MAP3K14: variants seen among roughly 807,000 people sequenced by gnomAD.
MAP3K14 encodes mitogen-activated protein kinase kinase kinase 14, also known as NF-kappa-beta-inducing kinase.
Under a neutral mutation model 99.2 loss-of-function variants are expected in MAP3K14, and 16 were observed. The ratio of observed to expected loss-of-function variants is 0.16; its 90% CI spans 0.11 to 0.24. The LOEUF is 0.24. MAP3K14 is among the 10% of genes least tolerant of loss of function. The pLI is 1.00. For missense variants in MAP3K14, 784 were observed against 1,208.7 expected, an observed-to-expected ratio of 0.65 and a Z score of 5.21; for synonymous variants, 462 against 492.4, an observed-to-expected ratio of 0.94 and a Z score of 0.82.
intron 1 of MAP3K14, among the ~76,000 whole-genome samples, chr17:45,313,119 C>T (rs999459262): frequency 3.3e-5 from 5 of 152,076 alleles, no homozygotes; most frequent in Non-Finnish European, 5.9e-5. Context: ...AGGGAGAACC[C>T]GAGAGCTGAA....
chr17:45,310,673 T>G (rs1224564603), intron 1 of MAP3K14, among the ~76,000 whole-genome samples: 2 of 152,090 alleles, frequency 1.3e-5, no homozygotes, highest in Non-Finnish European at 2.9e-5. Context: ...GCAGAAGAGC[T>G]TCGTGCACTG....
intron 14 of MAP3K14, chr17:45,266,286 C>T: frequency 2.4e-6 from 1 of 419,898 alleles, no homozygotes. Flanking sequence ...CTAGGGGAAC[C>T]TTCTGGGACT....
Position 45,275,823 on chromosome 17 carries a change from G to A in MAP3K14, c.1291-1230C>T, listed in dbSNP as rs374806208. On this transcript the variant is annotated intron_variant, in intron 6 of 15. Transcript: ENST00000344686. ...GTCGCCCAGGCTGGAGTACAGTGACGTGATCTCTATTCATTGCAACCTCTG... is the reference window on the plus strand; with the variant it reads ...GTCGCCCAGGCTGGAGTACAGTGACATGATCTCTATTCATTGCAACCTCTG... 2.7e-4 allele frequency among the ~76,000 whole-genome samples: 39 copies of A among 146,174 alleles called. No homozygotes were observed. In the East Asian group the frequency reaches 5.0e-3, roughly 19 times the overall value.
In MAP3K14 at chr17:45,290,608, C is replaced by T. The variant is rs759706778; in HGVS notation, c.138G>A (p.Glu46=). ...ACTTTCCGCAGAACACAGGGCTCTTCTCCACGGCCTCAAGCTTGTAGACGG... is the reference window on the plus strand; with the variant it reads ...ACTTTCCGCAGAACACAGGGCTCTTTTCCACGGCCTCAAGCTTGTAGACGG... ...QSSVYKLEAV[E]KSPVFCGKWE... The change falls in exon 2 of 16, where the codon GAG becomes GAA. Residue 46 remains glutamate, a synonymous_variant. Coordinates refer to ENST00000344686, the MANE Select transcript of MAP3K14 (RefSeq NM_003954.5). 1.9e-5 allele frequency: 31 copies of T among 1,613,688 alleles called. No homozygotes were observed. The highest frequency in any genetic ancestry group is 2.6e-5 in the Non-Finnish European group (31 of 1,179,884).
intron 1 of MAP3K14, among the ~76,000 whole-genome samples, chr17:45,291,296 CTGTG>C (rs10578692): frequency 1.2e-3 from 186 of 149,568 alleles, no homozygotes; most frequent in Non-Finnish European, 1.9e-3. Context: ...AGGTAGATAT[CTGTG>C]TGTGTGTGTG....
intron 14 of MAP3K14, among the ~76,000 whole-genome samples, chr17:45,265,876 G>A (rs560430887): frequency 1.3e-5 from 2 of 152,262 alleles, no homozygotes; most frequent in Non-Finnish European, 2.9e-5. Context: ...GGCTCCTATG[G>A]GGAAGTAGTA....
chr17:45,310,056 C>T (rs991055012), intron 1 of MAP3K14, among the ~76,000 whole-genome samples: 1 of 119,144 alleles, frequency 8.4e-6, no homozygotes, highest in African/African-American at 3.4e-5. Context: ...TTTTTTGAGA[C>T]GGAGTTTCGC....
chr17:45,266,826 G>C, intron 13 of MAP3K14, 145 bp from the exon 14 acceptor site: 1 of 867,004 alleles, frequency 1.2e-6, no homozygotes, highest in Non-Finnish European at 1.7e-6. Context: ...ACGAAGGCCT[G>C]CCTCCCCATT....
At chr17:45,270,702 C>T in intron 10 of MAP3K14, 139 bp from the exon 11 acceptor site, 1 of 1,244,082 alleles carries the variant, frequency 8.0e-7, no homozygotes. Flanking sequence ...GGGGTCTGGG[C>T]TACAGTGAGG....
At chr17:45,274,637 C>T in intron 6 of MAP3K14, 44 bp from the exon 7 acceptor site, 1 of 1,601,206 alleles carries the variant, frequency 6.2e-7, no homozygotes, top group Non-Finnish European at 8.5e-7. Context: ...GTGAGGGGAC[C>T]AGAGCTGGGT....
rs2044102146 is a variant in MAP3K14, at chr17:45,267,586, G to A, written c.2146C>T (p.Pro716Ser). ...GGCTCTGGGGGCTCTGGTGGGAGAG[G>A]AGGCTGGAGCTTAGGGGCTCTGCCT... ...TTGRAPKLQP[P>S]LPPEPPEPNK... The change falls in exon 12 of 16, where the codon CCT (proline) becomes TCT (serine). Residue 716 changes from proline (P) to serine (S), a missense_variant. Physicochemically the swap from Pro to Ser is moderately conservative, Grantham distance 74. Transcript: ENST00000344686. This position sits in a 1 kb window ranked among gnomAD's most constrained non-coding sequence, Gnocchi z 5.1. The A allele has an allele frequency of 2.5e-6, 4 of 1,613,212 alleles. No homozygotes were observed. Among genetic ancestry groups the A allele is most frequent in the Non-Finnish European group, 3.4e-6 (4 of 1,179,616 alleles).
At position 45,270,684 on chromosome 17, in the gene MAP3K14, G is replaced by A; in HGVS notation, c.1822-121C>T. The A allele has an allele frequency of 2.3e-6, 3 of 1,320,722 alleles. No individual in the cohort carries two copies. The South Asian group carries it at 4.6e-5, about 20-fold the overall frequency. The allele number at this position is 1,320,722 out of a possible 1,614,324, so 81.8% of individuals were successfully genotyped here. ...CCCGCTGTGCTGGGGTCTACCACAA[G>A]GAATGGAGGGGTCTGGGCTACAGTG... On this transcript the variant is annotated intron_variant, in intron 10 of 15. Coordinates refer to ENST00000344686, the MANE Select transcript of MAP3K14 (RefSeq NM_003954.5).
chr17:45,271,021 G>A (rs1314263326), intron 10 of MAP3K14, 37 bp downstream of exon 10: 1 of 1,600,098 alleles, frequency 6.2e-7, no homozygotes, highest in Non-Finnish European at 8.5e-7. Context: ...GGGCCCTGCA[G>A]CTCCCCCTGT....
In MAP3K14 at chr17:45,264,658, C is replaced by G; in HGVS notation, c.2822G>C (p.Gly941Ala). The G allele has an allele frequency of 6.3e-7, 1 of 1,588,648 alleles. No homozygotes were observed. Among genetic ancestry groups the G allele is most frequent in the Non-Finnish European group, 8.6e-7 (1 of 1,168,112 alleles). ...SFAWSWRVKH[G>A]QLENRP is the part of the protein sequence containing the mutation. The stretch of plus-strand genomic sequence containing the variant: ...GGGTTAGGGCCTGTTCTCCAGCTGG[C>G]CATGCTTGACCCTCCAGCTCCAGGC... The change falls in exon 16 of 16, where the codon GGC becomes GCC. Residue 941 changes from glycine to alanine, a missense_variant. Gly to Ala is a moderately conservative substitution (Grantham distance 60, BLOSUM62 0). Transcript: ENST00000344686.
chr17:45,269,468 A>G (rs1368039811), intron 11 of MAP3K14, among the ~76,000 whole-genome samples: 1 of 152,212 alleles, frequency 6.6e-6, no homozygotes. Flanking sequence ...CTTTCTGTGT[A>G]CTAATGGATT....
chr17:45,271,047 C>T lies in MAP3K14; in HGVS notation c.1821+11G>A. Reference sequence around the variant, plus strand: ...CTCCCCCTGTTGGCCATGCTGGGTGCCGTCACCGACCTTGAGGCAGAGCGG... The same window carrying T: ...CTCCCCCTGTTGGCCATGCTGGGTGTCGTCACCGACCTTGAGGCAGAGCGG... On this transcript the variant is annotated intron_variant, in intron 10 of 15. Coordinates refer to ENST00000344686, the MANE Select transcript of MAP3K14 (RefSeq NM_003954.5). 6.2e-7 allele frequency: 1 copy of T among 1,610,316 alleles called. No individual in the cohort carries two copies. The highest frequency in any genetic ancestry group is 8.5e-7 in the Non-Finnish European group (1 of 1,179,112).
intron 6 of MAP3K14, among the ~76,000 whole-genome samples, chr17:45,276,502 T>C (rs530692044): frequency 6.6e-6 from 1 of 150,642 alleles, no homozygotes; most frequent in South Asian, 2.1e-4. Flanking sequence ...AGCTGATACT[T>C]AGACTGACTT....
In MAP3K14 at chr17:45,283,995, G is replaced by A. The variant is rs370183051; in HGVS notation, c.1290+817C>T. ...CTGTAAGGTCTGTCGGTCTGCAGCC[G>A]CCACCGATGCTCCCTCTGGGCCCGG... is the stretch of plus-strand genomic sequence containing the variant. On this transcript the variant is annotated intron_variant, in intron 6 of 15. Transcript: ENST00000344686. Among the ~76,000 whole-genome samples, 8 of 152,256 alleles carry A rather than the reference G, an allele frequency of 5.3e-5. No individual in the cohort carries two copies. In the South Asian group the frequency reaches 8.3e-4, roughly 16 times the overall value.
intron 1 of MAP3K14, 112 bp from the exon 2 acceptor site, chr17:45,290,877 T>C: frequency 1.0e-6 from 1 of 970,842 alleles, no homozygotes; most frequent in African/African-American, 1.6e-5. Context: ...TGCCTGTTTA[T>C]GTGTGCCTCT....
Sources: allele counts gnomAD v4.1 joint callset (sites outside exome capture counted in the v4.1 genomes callset), GRCh38; gene constraint gnomAD v4.1.1; non-coding constraint Gnocchi (gnomAD v3.1); transcripts MANE v1.5; gene names NCBI Gene and HGNC (gene_info 2026-07-23, HGNC 2026-07-21).